The following ADD1 variants were observed in gnomAD, a reference collection of about 807,000 sequenced individuals.
ADD1 encodes the protein alpha-adducin.
In ADD1, 24 loss-of-function variants were observed where a neutral mutation model predicts 80.5. The ratio of observed to expected loss-of-function variants is 0.30; its 90% CI spans 0.22 to 0.42. The LOEUF is 0.42. ADD1 is among the 10% of genes least tolerant of loss of function. The probability of loss-of-function intolerance (pLI) is 1.00; values close to 1 mark genes in which losing one functional copy is unlikely to be tolerated. For synonymous variants in ADD1, 373 were observed against 393.8 expected, an observed-to-expected ratio of 0.95 and a Z score of 0.63; for missense variants, 948 against 1,019.0, an observed-to-expected ratio of 0.93 and a Z score of 0.95.
intron 1 of ADD1, among the ~76,000 whole-genome samples, chr4:2,845,330 A>G (rs1726035894): frequency 6.6e-6 from 1 of 152,148 alleles, no homozygotes; most frequent in Non-Finnish European, 1.5e-5. Context: ...CTAGGCCTCC[A>G]AAAGTGCTGG....
At chr4:2,908,662 C>A in intron 12 of ADD1, 58 bp downstream of exon 12, 2 of 1,381,872 alleles carry the variant, frequency 1.4e-6, no homozygotes, top group Non-Finnish European at 2.1e-6. Flanking sequence ...CCGCCTGCTC[C>A]AAAGTTATTC....
intron 14 of ADD1, among the ~76,000 whole-genome samples, chr4:2,918,359 A>T (rs1349068504): frequency 6.6e-6 from 1 of 152,132 alleles, no homozygotes; most frequent in African/African-American, 2.4e-5. Flanking sequence ...TTTGCAGTTG[A>T]TTTTGTATCT....
At position 2,926,984 on chromosome 4, in the gene ADD1, G is replaced by T. The variant is rs575837838; in HGVS notation, c.2047+872G>T. 2.2e-3 allele frequency among the ~76,000 whole-genome samples: 329 copies of T among 152,330 alleles called. No homozygotes were observed. Among genetic ancestry groups the T allele is most frequent in the Non-Finnish European group, 3.8e-3 (260 of 68,024 alleles). ...CTTGGTGGGAGGGTTTTGCCACACT[G>T]GATCAGATGTAAGTGCAGCCTCGGT... On this transcript the variant is annotated intron_variant, in intron 15 of 15. Coordinates refer to ENST00000683351, the MANE Select transcript of ADD1 (RefSeq NM_001354761.2). This position sits in a 1 kb window ranked among gnomAD's most constrained non-coding sequence, Gnocchi z 5.0.
chr4:2,921,277 G>T (rs533560019), intron 14 of ADD1, among the ~76,000 whole-genome samples: 62 of 152,190 alleles, frequency 4.1e-4, no homozygotes, highest in Admixed American at 9.8e-4. Flanking sequence ...ACAGGTGCAC[G>T]CCAGCATGCC....
chr4:2,849,317 G>A (rs1008116213), intron 1 of ADD1, among the ~76,000 whole-genome samples: 1 of 152,166 alleles, frequency 6.6e-6, no homozygotes, highest in Non-Finnish European at 1.5e-5. Flanking sequence ...GCTTCATGAG[G>A]TTGGGAAAGA....
intron 6 of ADD1, among the ~76,000 whole-genome samples, chr4:2,897,438 C>G (rs942885684): frequency 1.4e-5 from 2 of 147,192 alleles, no homozygotes; most frequent in Admixed American, 1.4e-4. Context: ...TATATACAAA[C>G]TTGTATAAAT....
rs1283505996 is a variant in ADD1, at chr4:2,926,908, T to C, written c.2047+796T>C. Among the ~76,000 whole-genome samples, 1 of 152,224 alleles carries C rather than the reference T, an allele frequency of 6.6e-6. No homozygotes were observed. The highest frequency in any genetic ancestry group is 1.5e-5 in the Non-Finnish European group (1 of 68,042). ...CACGCACCTAGGTGCCATGGAGCAC[T>C]CTGGGCCTCAGGAGTTCCTACCTCC... On this transcript the variant is annotated intron_variant, in intron 15 of 15. Transcript: ENST00000683351. This position sits in a 1 kb window ranked among gnomAD's most constrained non-coding sequence, Gnocchi z 5.0.
chr4:2,888,620 G>A (rs1345700627), intron 4 of ADD1, among the ~76,000 whole-genome samples: 1 of 151,426 alleles, frequency 6.6e-6, no homozygotes, highest in Non-Finnish European at 1.5e-5. Flanking sequence ...GTTTCACCAT[G>A]TTGGCCAGGC....
At chr4:2,892,215 CT>C (rs1314214638) in intron 4 of ADD1, among the ~76,000 whole-genome samples, 1 of 152,138 alleles carries the variant, frequency 6.6e-6, no homozygotes, top group Non-Finnish European at 1.5e-5. Flanking sequence ...GACTAAACAC[CT>C]TAAGTCCTTT....
At chr4:2,894,168 A>C in intron 5 of ADD1, 75 bp downstream of exon 5, 1 of 1,219,772 alleles carries the variant, frequency 8.2e-7, no homozygotes. Flanking sequence ...AGATCAGCTA[A>C]ATATGTAAAA....
chr4:2,849,457 G>A (rs1726736955), intron 1 of ADD1, among the ~76,000 whole-genome samples: 1 of 152,198 alleles, frequency 6.6e-6, no homozygotes, highest in African/African-American at 2.4e-5. Context: ...AGGGGACAGA[G>A]TCCACAGGTA....
chr4:2,914,531 CA>C (rs1360786250), intron 13 of ADD1, among the ~76,000 whole-genome samples: 8 of 152,332 alleles, frequency 5.3e-5, no homozygotes, highest in African/African-American at 1.9e-4. Flanking sequence ...GACTTTTAAA[CA>C]GTAACAGGAA....
At chr4:2,925,362 AATCTT>A in intron 14 of ADD1, among the ~76,000 whole-genome samples, 1 of 86,558 alleles carries the variant, frequency 1.2e-5, no homozygotes, top group Non-Finnish European at 2.8e-5. Flanking sequence ...CTAAGCTATT[AATCTT>A]AAACTTCTGA....
chr4:2,919,430 C>T (rs1427853131), intron 14 of ADD1, among the ~76,000 whole-genome samples: 1 of 151,970 alleles, frequency 6.6e-6, no homozygotes, highest in Non-Finnish European at 1.5e-5. Context: ...CCTTTCTGTA[C>T]CTCTGGTAGA....
At position 2,928,671 on chromosome 4, in the gene ADD1, C is replaced by A; in HGVS notation, c.*148C>A. The A allele has an allele frequency of 1.2e-6, 1 of 809,984 alleles. No homozygotes were observed. Among genetic ancestry groups the A allele is most frequent in the Non-Finnish European group, 1.9e-6 (1 of 516,942 alleles). The allele number at this position is 809,984 out of a possible 1,614,324, so 50.2% of individuals were successfully genotyped here. On this transcript the variant is annotated 3_prime_UTR_variant, in exon 16 of 16. Coordinates refer to ENST00000683351, the MANE Select transcript of ADD1 (RefSeq NM_001354761.2). ...CCCTCACGTGACCAGCCCCGTGTAG[C>A]CCCGGGCTGACCCAGTGTGTGCTCA...
chr4:2,888,027 A>T (rs1440980077), intron 4 of ADD1, among the ~76,000 whole-genome samples: 2 of 152,120 alleles, frequency 1.3e-5, no homozygotes, highest in African/African-American at 4.8e-5. Flanking sequence ...AAAATAAGTA[A>T]AAGAAGGAAA....
intron 2 of ADD1, among the ~76,000 whole-genome samples, chr4:2,877,304 A>G (rs1414289537): frequency 6.6e-6 from 1 of 152,052 alleles, no homozygotes; most frequent in African/African-American, 2.4e-5. Context: ...ATTTTCTTAA[A>G]AAAAACAAAA....
At chr4:2,910,798 G>C (rs1189655912) in intron 13 of ADD1, among the ~76,000 whole-genome samples, 3 of 152,206 alleles carry the variant, frequency 2.0e-5, no homozygotes, top group African/African-American at 7.2e-5. Context: ...TGAACACCAT[G>C]CTCACTGCGA....
In ADD1 at chr4:2,884,761, A is replaced by G. The variant is rs1366872206; in HGVS notation, c.510+95A>G. On this transcript the variant is annotated intron_variant, in intron 4 of 15. Transcript: ENST00000683351. The stretch of plus-strand genomic sequence containing the variant: ...TTTAGGAGAAGAGGGAAGCAGGCTG[A>G]GCTTCAGTAAGTCTTGGAATACCTC... The G allele has an allele frequency of 2.9e-6, 4 of 1,377,928 alleles. No homozygotes were observed. In the Admixed American group the frequency reaches 9.0e-5, roughly 31 times the overall value. The allele number at this position is 1,377,928 out of a possible 1,614,324, so 85.4% of individuals were successfully genotyped here.
Sources: gnomAD v4.1 joint callset for allele counts (sites outside exome capture counted in the v4.1 genomes callset) on GRCh38, gnomAD v4.1.1 for gene constraint, Gnocchi (gnomAD v3.1) non-coding constraint, MANE v1.5 for transcripts, NCBI Gene and HGNC (gene_info 2026-07-23, HGNC 2026-07-21) for gene names.